SLC12A6: variants seen among roughly 807,000 people sequenced by gnomAD.
SLC12A6 encodes solute carrier family 12 member 6.
SLC12A6 carries 66 observed loss-of-function variants against 135.3 expected under a neutral mutation model. The ratio of observed to expected loss-of-function variants is 0.49; its 90% confidence interval spans 0.40 to 0.60. The LOEUF (loss-of-function observed/expected upper bound fraction) is 0.60, where lower values mean the gene tolerates loss of function less well. Among genes scored for constraint, SLC12A6 ranks in the 20% least tolerant of loss-of-function variants. SLC12A6 has a pLI of 0.00. For missense variants in SLC12A6, 1,058 were observed against 1,452.3 expected, an observed-to-expected ratio of 0.73 and a Z score of 4.41; for synonymous variants, 513 against 508.8, an observed-to-expected ratio of 1.01 and a Z score of -0.11.
chr15:34,294,420 C>T (rs1234016903), intron 2 of SLC12A6, among the ~76,000 whole-genome samples: 1 of 152,042 alleles, frequency 6.6e-6, no homozygotes, highest in Non-Finnish European at 1.5e-5. Flanking sequence ...AAATGCCAGG[C>T]TAATTTTTGT....
In SLC12A6 at chr15:34,246,848, G is replaced by T. The variant is rs563861024; in HGVS notation, c.1650-981C>A. Among the ~76,000 whole-genome samples the T allele has an allele frequency of 2.6e-5, 4 of 152,076 alleles. No homozygotes were observed. In the East Asian group the frequency reaches 7.8e-4, roughly 30 times the overall value. Reference sequence around the variant, plus strand: ...AAAGTTTCTGTAGAGACAGGATCTCGCCTTGTTGCCCAGGCTTGTCATGAA... The same window carrying T: ...AAAGTTTCTGTAGAGACAGGATCTCTCCTTGTTGCCCAGGCTTGTCATGAA... On this transcript the variant is annotated intron_variant, in intron 13 of 25. Transcript: ENST00000354181.
chr15:34,323,083 T>C (rs901176605), intron 2 of SLC12A6, among the ~76,000 whole-genome samples: 1 of 144,810 alleles, frequency 6.9e-6, no homozygotes, highest in Non-Finnish European at 1.5e-5. Context: ...TGAAAATGAA[T>C]AGGCAAGTCA....
chr15:34,330,057 C>T (rs1411469857), intron 2 of SLC12A6, among the ~76,000 whole-genome samples: 1 of 152,066 alleles, frequency 6.6e-6, no homozygotes, highest in Non-Finnish European at 1.5e-5. Context: ...ATTAACAATT[C>T]CTTAATATTA....
intron 2 of SLC12A6, among the ~76,000 whole-genome samples, chr15:34,300,728 C>T (rs1465095101): frequency 6.8e-6 from 1 of 146,158 alleles, no homozygotes; most frequent in African/African-American, 2.5e-5. Flanking sequence ...GGGAGACAGA[C>T]ATTGCAGTGA....
At chr15:34,311,736 T>C (rs988503328) in intron 2 of SLC12A6, among the ~76,000 whole-genome samples, 1 of 152,148 alleles carries the variant, frequency 6.6e-6, no homozygotes, top group Non-Finnish European at 1.5e-5. Context: ...CTTCCATAAA[T>C]GGCCTCAATC....
chr15:34,305,973 G>C (rs1414929188), intron 2 of SLC12A6, among the ~76,000 whole-genome samples: 1 of 151,964 alleles, frequency 6.6e-6, no homozygotes, highest in African/African-American at 2.4e-5. Context: ...ATGTTAGCCA[G>C]GATGGTCTCG....
intron 2 of SLC12A6, among the ~76,000 whole-genome samples, chr15:34,287,907 A>G (rs1352595853): frequency 6.6e-6 from 1 of 152,092 alleles, no homozygotes; most frequent in Non-Finnish European, 1.5e-5. Flanking sequence ...GATAGCAAAA[A>G]TTTTCTCCCG....
intron 2 of SLC12A6, among the ~76,000 whole-genome samples, chr15:34,327,524 G>A (rs555744572): frequency 6.6e-6 from 1 of 152,250 alleles, no homozygotes; most frequent in Non-Finnish European, 1.5e-5. Context: ...CGGGCATGGT[G>A]GCATGCGCCT....
intron 2 of SLC12A6, among the ~76,000 whole-genome samples, chr15:34,333,227 T>C (rs1043257441): frequency 6.7e-6 from 1 of 148,256 alleles, no homozygotes; most frequent in African/African-American, 2.6e-5. Flanking sequence ...TTTTTTTTTC[T>C]TTTTCTTTTT....
At chr15:34,274,333 A>C (rs1433050746) in intron 3 of SLC12A6, among the ~76,000 whole-genome samples, 1 of 152,232 alleles carries the variant, frequency 6.6e-6, no homozygotes, top group African/African-American at 2.4e-5. Flanking sequence ...AAAATTTATA[A>C]TTAAAAATTT....
chr15:34,278,499 C>T (rs554008107), intron 2 of SLC12A6, among the ~76,000 whole-genome samples: 4 of 152,274 alleles, frequency 2.6e-5, no homozygotes, highest in East Asian at 1.9e-4. Flanking sequence ...GCATACATGA[C>T]GTATGTATAC....
chr15:34,257,908 T>A, intron 5 of SLC12A6, 120 bp from the exon 6 acceptor site: 1 of 697,056 alleles, frequency 1.4e-6, no homozygotes, highest in Non-Finnish European at 2.5e-6. Flanking sequence ...ATCATAAGTT[T>A]AATCAATACC....
At chr15:34,319,858 A>G (rs921950314) in intron 2 of SLC12A6, among the ~76,000 whole-genome samples, 2 of 151,710 alleles carry the variant, frequency 1.3e-5, no homozygotes, top group African/African-American at 4.8e-5. Flanking sequence ...GAACTTTTGT[A>G]TTGTACAGAG....
chr15:34,282,154 T>C (rs896266832), intron 2 of SLC12A6, among the ~76,000 whole-genome samples: 2 of 152,160 alleles, frequency 1.3e-5, no homozygotes, highest in South Asian at 4.1e-4. Flanking sequence ...CCTTAGGGCA[T>C]AAGTACACAT....
intron 3 of SLC12A6, among the ~76,000 whole-genome samples, chr15:34,270,739 G>C (rs904155819): frequency 6.6e-6 from 1 of 151,670 alleles, no homozygotes; most frequent in Admixed American, 6.6e-5. Context: ...GGAGATGGAG[G>C]TTGCAGTAAG....
At chr15:34,329,053 T>C (rs1426964351) in intron 2 of SLC12A6, among the ~76,000 whole-genome samples, 1 of 152,240 alleles carries the variant, frequency 6.6e-6, no homozygotes, top group Non-Finnish European at 1.5e-5. Context: ...TCCTACACTA[T>C]AGCTCTCCAA....
chr15:34,325,945 C>T (rs1344985139), intron 2 of SLC12A6, among the ~76,000 whole-genome samples: 1 of 152,184 alleles, frequency 6.6e-6, no homozygotes, highest in Admixed American at 6.5e-5. Context: ...CTTGAGAACA[C>T]AACACACCAC....
intron 2 of SLC12A6, among the ~76,000 whole-genome samples, chr15:34,284,277 CTTTTTTTTT>C (rs71415558): frequency 1.1e-5 from 1 of 92,490 alleles, no homozygotes; most frequent in African/African-American, 4.5e-5. Context: ...TGTTTCTTTT[CTTTTTTTTT>C]TTTTTTTTTT....
intron 2 of SLC12A6, chr15:34,318,747 C>G: frequency 6.2e-7 from 1 of 1,606,622 alleles, no homozygotes; most frequent in Non-Finnish European, 8.5e-7. Context: ...TCCCTGCCTA[C>G]CTCTTCCTTG....
Sources: gnomAD v4.1 joint callset for allele counts (sites outside exome capture counted in the v4.1 genomes callset) on GRCh38, gnomAD v4.1.1 for gene constraint, MANE v1.5 for transcripts, NCBI Gene and HGNC (gene_info 2026-07-23, HGNC 2026-07-21) for gene names.